Variants in RAPGEF1 observed in about 807,000 individuals in gnomAD.
The protein encoded by RAPGEF1 is CRK SH3-binding GNRP.
A neutral mutation model predicts 143.3 loss-of-function variants in RAPGEF1; 33 were observed. The observed-to-expected ratio is 0.23, with a 90% CI of 0.17 to 0.31. The LOEUF (loss-of-function observed/expected upper bound fraction) is 0.31. Ranked by LOEUF, RAPGEF1 falls within the 10% of genes least tolerant of loss-of-function variation. The pLI is 1.00. For missense variants in RAPGEF1, 1,199 were observed against 1,645.4 expected (o/e 0.73, Z 4.69); for synonymous variants, 629 against 676.5 (o/e 0.93, Z 1.09).
chr9:131,663,342 C>T (rs528307135), intron 1 of RAPGEF1, among the ~76,000 whole-genome samples: 1 of 152,196 alleles, frequency 6.6e-6, no homozygotes, highest in African/African-American at 2.4e-5. Context: ...CTCCTAGGAA[C>T]AAGGACATTC....
At chr9:131,591,650 GCTGT>G in intron 18 of RAPGEF1, among the ~76,000 whole-genome samples, 1 of 152,218 alleles carries the variant, frequency 6.6e-6, no homozygotes, top group East Asian at 1.9e-4. Flanking sequence ...TGACCCCTGA[GCTGT>G]CTATTTGGGT....
chr9:131,643,232 C>T lies in RAPGEF1; in HGVS notation c.494+7G>A, dbSNP rs1282342509. 1 of 1,607,262 alleles carries T rather than the reference C, an allele frequency of 6.2e-7. No homozygotes were observed. Among genetic ancestry groups the T allele is most frequent in the Non-Finnish European group, 8.5e-7 (1 of 1,177,562 alleles). ...CTGACACAGCCAAAGACTTCAGAGCCACTCACCTGTGCTGAATTCGAGGAT... is the reference window on the plus strand; with the variant it reads ...CTGACACAGCCAAAGACTTCAGAGCTACTCACCTGTGCTGAATTCGAGGAT... On this transcript the variant is annotated splice_region_variant and intron_variant, in intron 4 of 26. Coordinates refer to ENST00000683357, the MANE Select transcript of RAPGEF1 (RefSeq NM_001377935.1).
chr9:131,693,070 C>T (rs111460192), intron 1 of RAPGEF1, among the ~76,000 whole-genome samples: 80 of 152,310 alleles, frequency 5.3e-4, no homozygotes, highest in African/African-American at 1.8e-3. Flanking sequence ...CTCCCTGGTG[C>T]ACTGTATCCT....
intron 1 of RAPGEF1, among the ~76,000 whole-genome samples, chr9:131,739,279 C>T (rs560591394): frequency 6.6e-6 from 1 of 152,206 alleles, no homozygotes; most frequent in African/African-American, 2.4e-5. Flanking sequence ...CCTCAAAATA[C>T]CCCCACTCAT....
chr9:131,630,150 C>T, intron 6 of RAPGEF1, 86 bp downstream of exon 6: 3 of 1,211,250 alleles, frequency 2.5e-6, no homozygotes, highest in Non-Finnish European at 2.4e-6. Context: ...CCTCATGCTG[C>T]CCACCCCACC....
At chr9:131,703,806 C>T (rs1356664240) in intron 1 of RAPGEF1, among the ~76,000 whole-genome samples, 1 of 152,202 alleles carries the variant, frequency 6.6e-6, no homozygotes. Flanking sequence ...GTCATTGATG[C>T]ACAGCCTGCA....
chr9:131,590,079 A>G (rs1191881838), intron 18 of RAPGEF1, 101 bp from the exon 19 acceptor site: 34 of 1,012,198 alleles, frequency 3.4e-5, no homozygotes, highest in Non-Finnish European at 4.6e-5. Context: ...CAATGTGCCC[A>G]TCTTCCTGCA....
intron 17 of RAPGEF1, among the ~76,000 whole-genome samples, chr9:131,592,777 G>A (rs1352558512): frequency 6.6e-6 from 1 of 152,090 alleles, no homozygotes; most frequent in African/African-American, 2.4e-5. Flanking sequence ...TCGAGACAGG[G>A]TCTCACTCTA....
At chr9:131,680,355 A>G (rs1360780129) in intron 1 of RAPGEF1, among the ~76,000 whole-genome samples, 2 of 152,232 alleles carry the variant, frequency 1.3e-5, no homozygotes, top group Non-Finnish European at 2.9e-5. Flanking sequence ...GTCCACTGCA[A>G]TTGAAGGAGG....
At chr9:131,681,789 G>T (rs968562732) in intron 1 of RAPGEF1, among the ~76,000 whole-genome samples, 7 of 152,092 alleles carry the variant, frequency 4.6e-5, no homozygotes, top group African/African-American at 1.7e-4. Flanking sequence ...ATTAGAGCTG[G>T]GGAAAAAATC....
rs1369235790 is a variant in RAPGEF1 at position 131,583,409 on chromosome 9, AC to A, written c.3415-708del. Among the ~76,000 whole-genome samples, 1 of 151,180 alleles carries A rather than the reference AC, an allele frequency of 6.6e-6. No individual in the cohort carries two copies. Among genetic ancestry groups the A allele is most frequent in the Non-Finnish European group, 1.5e-5 (1 of 67,788 alleles). ...GAAGACCCTGGGTGGCCTGGCTGAC[AC>A]CCGGGTCTCTGACATGACCCCTGGG... On this transcript the variant is annotated intron_variant, in intron 24 of 26. Coordinates refer to ENST00000683357, the MANE Select transcript of RAPGEF1 (RefSeq NM_001377935.1). This position sits in a 1 kb window ranked among gnomAD's most constrained non-coding sequence, Gnocchi z 4.7.
At chr9:131,695,713 T>C (rs1223194610) in intron 1 of RAPGEF1, among the ~76,000 whole-genome samples, 3 of 152,178 alleles carry the variant, frequency 2.0e-5, no homozygotes, top group African/African-American at 7.2e-5. Context: ...ATCTGCTGAA[T>C]GGTAAATGTT....
intron 10 of RAPGEF1, among the ~76,000 whole-genome samples, chr9:131,624,912 C>A (rs1161547816): frequency 1.3e-5 from 2 of 152,244 alleles, no homozygotes; most frequent in Non-Finnish European, 2.9e-5. Flanking sequence ...GCTGGGGATA[C>A]ATGACATCAT....
intron 1 of RAPGEF1, among the ~76,000 whole-genome samples, chr9:131,712,218 G>A (rs1835558651): frequency 6.6e-6 from 1 of 152,146 alleles, no homozygotes; most frequent in South Asian, 2.1e-4. Flanking sequence ...ATAAAGCACA[G>A]GGAACCCCCA....
At chr9:131,612,651 T>A (rs1008937139) in intron 12 of RAPGEF1, among the ~76,000 whole-genome samples, 1 of 152,118 alleles carries the variant, frequency 6.6e-6, no homozygotes, top group Non-Finnish European at 1.5e-5. Flanking sequence ...CGCAGTGACC[T>A]GGAAGGGGCT....
At chr9:131,716,788 T>A (rs939144147) in intron 1 of RAPGEF1, among the ~76,000 whole-genome samples, 3 of 151,910 alleles carry the variant, frequency 2.0e-5, no homozygotes, top group African/African-American at 7.3e-5. Flanking sequence ...AATAAAATAA[T>A]AAAAACCCCT....
chr9:131,631,946 G>A lies in RAPGEF1; in HGVS notation c.652-1622C>T, dbSNP rs1265861968. Among the ~76,000 whole-genome samples, 3 of 152,212 alleles carry A rather than the reference G, an allele frequency of 2.0e-5. No individual in the cohort carries two copies. The East Asian group carries it at 5.8e-4, about 29-fold the overall frequency. On this transcript the variant is annotated intron_variant, in intron 5 of 26. Transcript: ENST00000683357. ...GCCTCTCCAGAGGGATGACTTATCA[G>A]TATATATCAAAAGCCTTAAATATTT...
At chr9:131,671,712 G>A (rs1437016229) in intron 1 of RAPGEF1, among the ~76,000 whole-genome samples, 1 of 152,218 alleles carries the variant, frequency 6.6e-6, no homozygotes, top group Admixed American at 6.5e-5. Context: ...CTGGCAGACG[G>A]TGCAGGATCT....
In RAPGEF1 at chr9:131,587,848, G is replaced by C; in HGVS notation, c.3139-18C>G. 1 of 1,611,122 alleles carries C rather than the reference G, an allele frequency of 6.2e-7. No homozygotes were observed. On this transcript the variant is annotated intron_variant, in intron 21 of 26. Transcript: ENST00000683357. ...TCAGGAATCTACAAAAGGAAAGAAG[G>C]CAGATGGAGGTGGAGCCCCGGCTTT...
Sources: allele counts gnomAD v4.1 joint callset (sites outside exome capture counted in the v4.1 genomes callset), GRCh38; gene constraint gnomAD v4.1.1; non-coding constraint Gnocchi (gnomAD v3.1); transcripts MANE v1.5; gene names NCBI Gene and HGNC (gene_info 2026-07-23, HGNC 2026-07-21).